Variants in CCN6 observed in about 807,000 individuals in gnomAD.
CCN6 encodes the protein CCN family member 6.
Under a neutral mutation model 37.4 loss-of-function variants are expected in CCN6, and 31 were observed. The observed-to-expected ratio is 0.83, with a 90% confidence interval of 0.62 to 1.12. The LOEUF (loss-of-function observed/expected upper bound fraction) is 1.12. CCN6 is among the 50% of genes most tolerant of loss of function. CCN6 has a pLI of 0.00. For missense variants in CCN6, 369 were observed against 413.8 expected (o/e 0.89, Z 0.94); for synonymous variants, 137 against 142.1 (o/e 0.96, Z 0.26).
At chr6:112,056,962 G>A (rs1776366562) in intron 1 of CCN6, among the ~76,000 whole-genome samples, 1 of 151,924 alleles carries the variant, frequency 6.6e-6, no homozygotes, top group African/African-American at 2.4e-5. Flanking sequence ...ATGTAATTCA[G>A]TATGTAATGC....
intron 1 of CCN6, among the ~76,000 whole-genome samples, chr6:112,058,804 G>A (rs1554312249): frequency 1.3e-5 from 2 of 152,194 alleles, no homozygotes. Context: ...CACATTTCCT[G>A]TAGGTCAGAC....
At chr6:112,065,614 A>ACACACACAAACACACACG (rs1171502543) in intron 3 of CCN6, among the ~76,000 whole-genome samples, 3 of 131,726 alleles carry the variant, frequency 2.3e-5, no homozygotes, top group Non-Finnish European at 3.3e-5. Context: ...ACACACGCAC[A>ACACACACAAACACACACG]CACACACGCA....
At chr6:112,065,117 TTGAGTG>T in intron 3 of CCN6, 120 bp downstream of exon 3, 1 of 1,467,526 alleles carries the variant, frequency 6.8e-7, no homozygotes, top group Non-Finnish European at 9.4e-7. Context: ...GAGATATAGT[TTGAGTG>T]TATCATTTTA....
intron 1 of CCN6, among the ~76,000 whole-genome samples, chr6:112,057,948 G>C (rs1776396492): frequency 6.6e-6 from 1 of 152,132 alleles, no homozygotes; most frequent in Admixed American, 6.5e-5. Context: ...TAGAGAGGTG[G>C]GGCAAGAGGA....
At chr6:112,054,476 A>G (rs1250222877) in intron 1 of CCN6, 71 bp downstream of exon 1, 1 of 1,439,684 alleles carries the variant, frequency 6.9e-7, no homozygotes, top group Non-Finnish European at 9.8e-7. Flanking sequence ...GCCCAAAACT[A>G]AACAAAACGA....
In CCN6 at chr6:112,068,023, G is replaced by A. The variant is rs75173823; in HGVS notation, c.590-182G>A. 6.8e-3 allele frequency among the ~76,000 whole-genome samples: 1,040 copies of A among 152,188 alleles called. 10 individuals are homozygous for A. The highest frequency in any genetic ancestry group is 0.024 in the African/African-American group (982 of 41,530). ...ACTGGACTGTAATACTTGATTGAAA[G>A]TTAATTTTGGGGTTGGGAAAGAGGG... On this transcript the variant is annotated intron_variant, in intron 3 of 4. Transcript: ENST00000368666.
In CCN6 at chr6:112,069,639, A is replaced by G; in HGVS notation, c.*19A>G. The G allele has an allele frequency of 1.2e-6, 2 of 1,613,352 alleles. No homozygotes were observed. Among genetic ancestry groups the G allele is most frequent in the Non-Finnish European group, 8.5e-7 (1 of 1,179,658 alleles). ...TCTGTAAAACCAAGCAAATGGGGGAAAAGTTAGTCAATCCTGTCATATAAT... is the reference window on the plus strand; with the variant it reads ...TCTGTAAAACCAAGCAAATGGGGGAGAAGTTAGTCAATCCTGTCATATAAT... On this transcript the variant is annotated 3_prime_UTR_variant, in exon 5 of 5. Transcript: ENST00000368666.
intron 1 of CCN6, 125 bp from the exon 2 acceptor site, chr6:112,060,866 A>T: frequency 9.2e-7 from 1 of 1,091,334 alleles, no homozygotes; most frequent in Non-Finnish European, 1.4e-6. Flanking sequence ...AAATGCTGAT[A>T]GGTGTTATTA....
intron 4 of CCN6, 37 bp from the exon 5 acceptor site, chr6:112,069,302 A>C: frequency 1.2e-6 from 2 of 1,600,406 alleles, no homozygotes; most frequent in Non-Finnish European, 1.7e-6. Context: ...ATTGTAATAA[A>C]ATTTAAAGAA....
At chr6:112,065,065 T>TC (rs1696911259) in intron 3 of CCN6, 68 bp downstream of exon 3, 1 of 1,605,320 alleles carries the variant, frequency 6.2e-7, no homozygotes, top group Non-Finnish European at 8.5e-7. Flanking sequence ...CTTTTACGTA[T>TC]CATAGGTACT....
Position 112,069,471 on chromosome 6 carries a change from A to G in CCN6, c.916A>G (p.Ile306Val). The change falls in exon 5 of 5, where the codon ATC becomes GTC. Residue 306 changes from isoleucine to valine, a missense_variant. Physicochemically the swap from Ile to Val is conservative, Grantham distance 29 (BLOSUM62 3). Transcript: ENST00000368666. ...CGICLDKRCCIPNKSKMITIQ... is the reference protein window; with the variant it reads ...CGICLDKRCCVPNKSKMITIQ... ...AATATGCTTGGATAAGAGATGCTGT[A>G]TCCCTAATAAGTCTAAAATGATTAC... 6.2e-7 allele frequency: 1 copy of G among 1,613,782 alleles called. No homozygotes were observed. Among genetic ancestry groups the G allele is most frequent in the East Asian group, 2.2e-5 (1 of 44,816 alleles).
At chr6:112,064,428 A>G (rs1562596730) in intron 2 of CCN6, among the ~76,000 whole-genome samples, 1 of 152,188 alleles carries the variant, frequency 6.6e-6, no homozygotes, top group South Asian at 2.1e-4. Flanking sequence ...CTATTGTTGG[A>G]TGTCTGAGAA....
intron 3 of CCN6, 64 bp downstream of exon 3, chr6:112,065,061 C>G: frequency 6.2e-7 from 1 of 1,608,462 alleles, no homozygotes; most frequent in Middle Eastern, 1.7e-4. Context: ...GTTCCTTTTA[C>G]GTATCATAGG....
chr6:112,057,064 A>G (rs1190039642), intron 1 of CCN6, among the ~76,000 whole-genome samples: 1 of 152,164 alleles, frequency 6.6e-6, no homozygotes, highest in African/African-American at 2.4e-5. Flanking sequence ...AATGCTTCAA[A>G]ATTGGAAAGT....
At chr6:112,066,368 A>T (rs1447576295) in intron 3 of CCN6, among the ~76,000 whole-genome samples, 1 of 152,162 alleles carries the variant, frequency 6.6e-6, no homozygotes, top group Non-Finnish European at 1.5e-5. Flanking sequence ...CCCTGGGAAG[A>T]CTACCTTAGA....
At chr6:112,060,025 AG>A in intron 1 of CCN6, 1 of 1,366,188 alleles carries the variant, frequency 7.3e-7, no homozygotes, top group African/African-American at 1.5e-5. Context: ...GAAGATATCT[AG>A]GGGCAGAGTG....
chr6:112,064,708 T>A, intron 2 of CCN6, 47 bp from the exon 3 acceptor site: 1 of 1,613,284 alleles, frequency 6.2e-7, no homozygotes, highest in Non-Finnish European at 8.5e-7. Flanking sequence ...GTCTAGACTA[T>A]CACAGATCAT....
intron 1 of CCN6, among the ~76,000 whole-genome samples, chr6:112,056,618 C>T (rs1293359806): frequency 6.6e-6 from 1 of 152,136 alleles, no homozygotes; most frequent in Non-Finnish European, 1.5e-5. Context: ...TGGGTTCAAG[C>T]GATTCTCCTG....
At chr6:112,067,619 T>G (rs1422213619) in intron 3 of CCN6, among the ~76,000 whole-genome samples, 1 of 152,176 alleles carries the variant, frequency 6.6e-6, no homozygotes, top group Non-Finnish European at 1.5e-5. Flanking sequence ...TGAATGAAAT[T>G]ATACGCTTGC....
Sources: gnomAD v4.1 joint callset for allele counts (sites outside exome capture counted in the v4.1 genomes callset) on GRCh38, gnomAD v4.1.1 for gene constraint, MANE v1.5 for transcripts, NCBI Gene and HGNC (gene_info 2026-07-23, HGNC 2026-07-21) for gene names.